The following JCAD variants were observed in gnomAD, a reference collection of about 807,000 sequenced individuals.
JCAD encodes junctional cadherin 5 associated.
In JCAD, 40 loss-of-function variants were observed where a neutral mutation model predicts 98.0. That is an observed-to-expected ratio of 0.41 (90% confidence interval 0.32 to 0.53). JCAD has a LOEUF of 0.53. Ranked by LOEUF, JCAD falls within the 20% of genes least tolerant of loss-of-function variation. The probability of loss-of-function intolerance (pLI) is 0.31; values close to 1 mark genes in which losing one functional copy is unlikely to be tolerated. For synonymous variants in JCAD, 691 were observed against 682.3 expected (o/e 1.01, Z -0.20); for missense variants, 1,705 against 1,738.1 (o/e 0.98, Z 0.34).
chr10:30,025,093 T>C (rs1589677309), intron 3 of JCAD, among the ~76,000 whole-genome samples: 1 of 151,834 alleles, frequency 6.6e-6, no homozygotes, highest in East Asian at 1.9e-4. Context: ...AAACAGAAAA[T>C]AGAAAGGGGT....
rs1836787451 is a variant in JCAD at position 30,026,148 on chromosome 10, C to T, written c.4000G>A (p.Ala1334Thr). 3 of 1,614,208 alleles carry T rather than the reference C, an allele frequency of 1.9e-6. No individual in the cohort carries two copies. Among genetic ancestry groups the T allele is most frequent in the Middle Eastern group, 1.6e-4 (1 of 6,062 alleles). Residue 1334 changes from alanine (A) to threonine (T), a missense_variant, in exon 3 of 4, where the codon GCA becomes ACA. Around this residue, in one of 3 missense-constraint regions of JCAD, gnomAD observed 1,278 missense variants for 1,243.1 expected, o/e 1.03. Transcript: ENST00000375377. Reference protein sequence around the residue: ...SISREEKEHPAAQKEKSMDQD... With the variant: ...SISREEKEHPTAQKEKSMDQD... The stretch of plus-strand genomic sequence containing the variant: ...TCCATGCTCTTCTCCTTTTGTGCTG[C>T]CGGATGCTCCTTCTCTTCCCTGGAG...
intron 1 of JCAD, among the ~76,000 whole-genome samples, chr10:30,048,619 G>T (rs1247672116): frequency 6.6e-6 from 1 of 151,944 alleles, no homozygotes; most frequent in Non-Finnish European, 1.5e-5. Flanking sequence ...AGGCTGGAGT[G>T]CAGTGGCATG....
intron 1 of JCAD, among the ~76,000 whole-genome samples, chr10:30,084,027 AAG>A (rs201309511): frequency 1.3e-5 from 2 of 151,220 alleles, no homozygotes; most frequent in Middle Eastern, 3.2e-3. Context: ...AAAAGAAAGA[AAG>A]AGAGAGAGAG....
At position 30,026,390 on chromosome 10, in the gene JCAD, C is replaced by T. The variant is rs200536349; in HGVS notation, c.3758G>A (p.Arg1253Lys). ...TCTCATCAGGCGGTCAGGGTCTGCT[C>T]TCCTAGGCGGGGAGGCCAGTTTCTC... The part of the protein sequence containing the change: ...LQEKLASPPR[R>K]ADPDRLMRMK... Residue 1253 changes from arginine (R) to lysine (K), a missense_variant, in exon 3 of 4, where the codon AGA (arginine) becomes AAA (lysine). By Grantham distance (26) the Arg-to-Lys change is conservative. Transcript: ENST00000375377. 6.8e-5 allele frequency: 110 copies of T among 1,614,136 alleles called. No individual in the cohort carries two copies. The highest frequency in any genetic ancestry group is 9.3e-5 in the Non-Finnish European group (110 of 1,180,052).
At chr10:30,098,836 C>T (rs1300832921) in intron 1 of JCAD, among the ~76,000 whole-genome samples, 1 of 152,210 alleles carries the variant, frequency 6.6e-6, no homozygotes, top group Non-Finnish European at 1.5e-5. Flanking sequence ...CCACTTACTA[C>T]ATCGTCCCCC....
In JCAD at chr10:30,034,222, CAATAATAATAAT is replaced by C. The variant is rs71023540; in HGVS notation, c.282-4368_282-4357del. 2.7e-5 allele frequency among the ~76,000 whole-genome samples: 4 copies of C among 149,328 alleles called. No homozygotes were observed. The East Asian group carries it at 7.8e-4, about 29-fold the overall frequency. Reference sequence around the variant, plus strand: ...TGGGCGACAGAGCAAGACTCCATCTCAATAATAATAATAATAATAATAATAATGATAATAACA... The same window carrying C: ...TGGGCGACAGAGCAAGACTCCATCTCAATAATAATAATAATGATAATAACA... On this transcript the variant is annotated intron_variant, in intron 2 of 3. Coordinates refer to ENST00000375377, the MANE Select transcript of JCAD (RefSeq NM_020848.4).
intron 3 of JCAD, among the ~76,000 whole-genome samples, chr10:30,019,357 CAAAAA>C (rs58164754): frequency 2.0e-5 from 2 of 100,308 alleles, no homozygotes; most frequent in Non-Finnish European, 4.0e-5. Context: ...AACTCTGTCT[CAAAAA>C]AAAAAAAAAA....
intron 1 of JCAD, among the ~76,000 whole-genome samples, chr10:30,075,396 G>T (rs560265373): frequency 6.6e-6 from 1 of 152,154 alleles, no homozygotes; most frequent in Non-Finnish European, 1.5e-5. Context: ...CATTAAACCC[G>T]TAGGTCTGGT....
rs954442656 is a variant in JCAD, at chr10:30,047,568, G to A, written c.245C>T (p.Pro82Leu). Residue 82 changes from proline (P) to leucine (L), a missense_variant, in exon 2 of 4, where the codon CCC becomes CTC. By Grantham distance (98) the Pro-to-Leu change is moderately conservative (BLOSUM62 -3). Transcript: ENST00000375377. ...RRSTPRGHGE[P>L]QSTSASRTSE... is the part of the protein sequence containing the mutation. ...GGTTCTGGAAGCAGAAGTGCTCTGG[G>A]GCTCCCCGTGGCCTCTCGGTGTGCT... 4 of 1,613,986 alleles carry A rather than the reference G, an allele frequency of 2.5e-6. No individual in the cohort carries two copies. Among genetic ancestry groups the A allele is most frequent in the Admixed American group, 1.7e-5 (1 of 60,006 alleles).
chr10:30,054,045 A>G (rs917968183), intron 1 of JCAD, among the ~76,000 whole-genome samples: 1 of 152,172 alleles, frequency 6.6e-6, no homozygotes, highest in Non-Finnish European at 1.5e-5. Flanking sequence ...CTGAGCGACA[A>G]TGAGGCTCCA....
intron 1 of JCAD, among the ~76,000 whole-genome samples, chr10:30,070,825 C>A (rs1837871873): frequency 6.6e-6 from 1 of 152,174 alleles, no homozygotes; most frequent in Non-Finnish European, 1.5e-5. Flanking sequence ...GCCTGTTTAT[C>A]AGTAGGCACA....
rs144193589 is a variant in JCAD at position 30,037,816 on chromosome 10, C to T, written c.282-7950G>A. ...TTAAGTAGGAGGCATGTTGGAAAGG[C>T]ACCCACTGATATCGACCTGGATGGA... On this transcript the variant is annotated intron_variant, in intron 2 of 3. Transcript: ENST00000375377. 7.0e-3 allele frequency among the ~76,000 whole-genome samples: 1,059 copies of T among 152,094 alleles called. 14 individuals carry two copies. Among genetic ancestry groups the T allele is most frequent in the Non-Finnish European group, 0.01 (711 of 68,016 alleles).
intron 1 of JCAD, among the ~76,000 whole-genome samples, chr10:30,110,196 G>C (rs1767328109): frequency 6.6e-6 from 1 of 151,112 alleles, no homozygotes; most frequent in Non-Finnish European, 1.5e-5. Flanking sequence ...TGGACCTGCT[G>C]ATGTATGGAC....
intron 1 of JCAD, among the ~76,000 whole-genome samples, chr10:30,050,320 AAAAAAAAAAAAAAAAAAAAAAAG>A (rs936603822): frequency 2.4e-5 from 3 of 126,928 alleles, no homozygotes; most frequent in Non-Finnish European, 5.1e-5. Flanking sequence ...GTCTCAAAAA[AAAAAAAAAAAAAAAAAAAAAAAG>A]AAAGAAAGAA....
upstream of JCAD, among the ~76,000 whole-genome samples, chr10:30,064,404 C>T (rs1837750233): frequency 6.6e-6 from 1 of 152,142 alleles, no homozygotes; most frequent in Non-Finnish European, 1.5e-5. Context: ...AAATAAATTT[C>T]TATAACTGTA....
chr10:30,019,526 G>T (rs1188646168), intron 3 of JCAD, among the ~76,000 whole-genome samples: 2 of 147,810 alleles, frequency 1.4e-5, no homozygotes, highest in Non-Finnish European at 3.0e-5. Flanking sequence ...AATACTGCAT[G>T]ATCTCACCTA....
chr10:30,046,752 C>T (rs1480608557), intron 2 of JCAD, among the ~76,000 whole-genome samples: 1 of 152,166 alleles, frequency 6.6e-6, no homozygotes, highest in Non-Finnish European at 1.5e-5. Context: ...TATGGCCAAG[C>T]CCTGTGCTAA....
chr10:30,028,223 C>A lies in JCAD; in HGVS notation c.1925G>T (p.Gly642Val), dbSNP rs767806201. The A allele has an allele frequency of 1.4e-5, 22 of 1,614,082 alleles. No individual in the cohort carries two copies. The highest frequency in any genetic ancestry group is 1.9e-5 in the Non-Finnish European group (22 of 1,180,050). ...LELQALTGSM[G>V]GRTEFQKQDL... The stretch of plus-strand genomic sequence containing the variant: ...TTGTTTTTGGAACTCCGTTCTCCCA[C>A]CCATGCTTCCTGTGAGGGCCTGCAG... Residue 642 changes from glycine to valine, a missense_variant, in exon 3 of 4, where the codon GGT becomes GTT. Gly to Val is a moderately radical substitution (Grantham distance 109, BLOSUM62 -3). Transcript: ENST00000375377.
In JCAD at chr10:30,086,881, C is replaced by A. The variant is rs118034758; in HGVS notation, n.129-17060G>T. Among the ~76,000 whole-genome samples the A allele has an allele frequency of 7.1e-3, 1,075 of 152,274 alleles. 8 individuals carry two copies. Among genetic ancestry groups the A allele is most frequent in the Non-Finnish European group, 0.011 (742 of 68,022 alleles). ...TTTTCTCTTTTTTAAAAGTGAAGAG[C>A]AGATTTCTTAGTGTTGGTAGATTTT... is the stretch of plus-strand genomic sequence containing the variant. On this transcript the variant is annotated intron_variant and non_coding_transcript_variant, in intron 1 of 2. Coordinates refer to the JCAD transcript ENST00000465712.
Sources: gnomAD v4.1 joint callset for allele counts (sites outside exome capture counted in the v4.1 genomes callset) on GRCh38, gnomAD v4.1.1 for gene constraint, gnomAD v4.1.1 regional missense constraint, MANE v1.5 for transcripts, NCBI Gene and HGNC (gene_info 2026-07-23, HGNC 2026-07-21) for gene names.